SLC24A2: variants seen among roughly 807,000 people sequenced by gnomAD.
SLC24A2 encodes solute carrier family 24 member 2, also known as sodium/potassium/calcium exchanger 2.
SLC24A2 carries 36 observed loss-of-function variants against 62.0 expected under a neutral mutation model. That is an observed-to-expected ratio of 0.58 (90% CI 0.44 to 0.77). The LOEUF is 0.77. SLC24A2 is among the 30% of genes least tolerant of loss of function. SLC24A2 has a pLI of 0.00. For missense variants in SLC24A2, 846 were observed against 817.9 expected (o/e 1.03, Z -0.42); for synonymous variants, 358 against 294.0 (o/e 1.22, Z -2.23).
At chr9:20,215,256 C>T in the SLC24A2 span, among the ~76,000 whole-genome samples, 2 of 152,112 alleles carry the variant, frequency 1.3e-5, no homozygotes, top group African/African-American at 2.4e-5. Context: ...TCTGCCTCAC[C>T]GAATCACACG....
chr9:20,208,011 T>A, the SLC24A2 span, among the ~76,000 whole-genome samples: 1 of 152,182 alleles, frequency 6.6e-6, no homozygotes, highest in Admixed American at 6.5e-5. Context: ...CTGCCTTCAA[T>A]GGACTTAAAG....
chr9:20,038,687 G>A, the SLC24A2 span, among the ~76,000 whole-genome samples: 7 of 143,214 alleles, frequency 4.9e-5, no homozygotes, highest in East Asian at 1.1e-3. Context: ...TAAACTAAAA[G>A]TCACAGTCTC....
chr9:20,222,919 C>T, the SLC24A2 span, among the ~76,000 whole-genome samples: 1 of 151,664 alleles, frequency 6.6e-6, no homozygotes, highest in East Asian at 1.9e-4. Flanking sequence ...GAAGTCCTAA[C>T]TTATTAAATA....
intron 8 of SLC24A2, among the ~76,000 whole-genome samples, chr9:19,541,532 A>AGGGACCC (rs1834255812): frequency 7.0e-6 from 1 of 142,082 alleles, no homozygotes; most frequent in Non-Finnish European, 1.5e-5. Flanking sequence ...GTCAGGGGTC[A>AGGGACCC]GGGACCCAAT....
At chr9:20,019,282 AGAAAGAAAGAAAGAAAGAAAGAAAGAAAG>A in the SLC24A2 span, among the ~76,000 whole-genome samples, 5 of 149,878 alleles carry the variant, frequency 3.3e-5, no homozygotes, top group African/African-American at 1.3e-4. Context: ...AAAGAAAGAA[AGAAAGAAAGAAAGAAAGAAAGAAAGAAAG>A]AAAGTGAGTG....
chr9:19,891,998 A>C, the SLC24A2 span, among the ~76,000 whole-genome samples: 11 of 152,268 alleles, frequency 7.2e-5, no homozygotes, highest in Non-Finnish European at 1.3e-4. Flanking sequence ...ACTCATTTCT[A>C]CATCTTCAAC....
the SLC24A2 span, among the ~76,000 whole-genome samples, chr9:19,971,886 C>T: frequency 3.9e-5 from 6 of 152,290 alleles, no homozygotes; most frequent in East Asian, 1.2e-3. Flanking sequence ...CCCTATAAGG[C>T]AGGCATTTTC....
intron 2 of SLC24A2, among the ~76,000 whole-genome samples, chr9:19,752,724 G>C (rs909534570): frequency 6.6e-6 from 1 of 152,122 alleles, no homozygotes; most frequent in Non-Finnish European, 1.5e-5. Flanking sequence ...GAGGGAGAAT[G>C]AATCTATGTG....
chr9:19,570,511 C>A (rs7036524), intron 7 of SLC24A2, among the ~76,000 whole-genome samples: 5 of 152,168 alleles, frequency 3.3e-5, no homozygotes, highest in Admixed American at 3.3e-4. Context: ...AACGTTCACT[C>A]ATTATTTATA....
the SLC24A2 span, among the ~76,000 whole-genome samples, chr9:20,117,620 C>T: frequency 2.6e-5 from 4 of 152,206 alleles, no homozygotes; most frequent in Middle Eastern, 3.4e-3. Flanking sequence ...TTATGTTTGT[C>T]GCTTTAAAAG....
rs995254571 is a variant in SLC24A2 at position 19,520,877 on chromosome 9, G to C, written c.1736+17C>G. The C allele has an allele frequency of 3.7e-6, 6 of 1,612,748 alleles. No individual in the cohort carries two copies. The highest frequency in any genetic ancestry group is 2.7e-5 in the African/African-American group (2 of 74,850). Reference sequence around the variant, plus strand: ...GGTGGAGCTGGTGCACACCTTTGTAGAACTACCTCTACTCACCCTACAGTG... The same window carrying C: ...GGTGGAGCTGGTGCACACCTTTGTACAACTACCTCTACTCACCCTACAGTG... On this transcript the variant is annotated intron_variant, in intron 10 of 10. Coordinates refer to ENST00000341998, the MANE Select transcript of SLC24A2 (RefSeq NM_020344.4).
chr9:19,786,874 C>T lies in SLC24A2; in HGVS notation c.-8G>A, dbSNP rs1462720880. The T allele has an allele frequency of 1.1e-5, 18 of 1,606,634 alleles. No individual in the cohort carries two copies. The highest frequency in any genetic ancestry group is 1.4e-5 in the Non-Finnish European group (17 of 1,179,890). On this transcript the variant is annotated 5_prime_UTR_variant, in exon 2 of 11. Coordinates refer to ENST00000341998, the MANE Select transcript of SLC24A2 (RefSeq NM_020344.4). The surrounding 1 kb of genome is among the most constrained non-coding windows in gnomAD (Gnocchi z 5.0). ...GCTTTGTTGCAGATCCATCCTGGGT[C>T]TTCTGGTGGATATGGTGATCTTCCA...
chr9:19,850,967 G>A, the SLC24A2 span, among the ~76,000 whole-genome samples: 2,853 of 17,324 alleles, frequency 0.16, 193 homozygotes, highest in African/African-American at 0.31. Flanking sequence ...ATATATATAT[G>A]TATATATATA....
the SLC24A2 span, among the ~76,000 whole-genome samples, chr9:20,294,659 T>C: frequency 7.2e-3 from 1,099 of 152,278 alleles, 15 homozygotes; most frequent in African/African-American, 0.026. Context: ...GTGATTTCCT[T>C]AAAGAAGAAA....
At chr9:19,765,686 C>G (rs781344031) in intron 2 of SLC24A2, among the ~76,000 whole-genome samples, 3 of 152,212 alleles carry the variant, frequency 2.0e-5, no homozygotes, top group Non-Finnish European at 4.4e-5. Flanking sequence ...TGATGGCTTC[C>G]CTTTGTGGGG....
At chr9:19,793,598 T>A (rs1170099413), upstream of SLC24A2, among the ~76,000 whole-genome samples, 1 of 152,208 alleles carries the variant, frequency 6.6e-6, no homozygotes, top group South Asian at 2.1e-4. Context: ...TGTTTGCTAA[T>A]CTCTTTTCAA....
the SLC24A2 span, among the ~76,000 whole-genome samples, chr9:19,898,019 A>T: frequency 6.6e-6 from 1 of 152,136 alleles, no homozygotes; most frequent in African/African-American, 2.4e-5. Context: ...CAGCAGAGGA[A>T]TTGGATTTTA....
the SLC24A2 span, among the ~76,000 whole-genome samples, chr9:20,068,057 C>CTTTTTTTT: frequency 2.2e-5 from 2 of 89,742 alleles, no homozygotes; most frequent in Non-Finnish European, 4.2e-5. Context: ...TTTTTTGACT[C>CTTTTTTTT]TTTTTTTTTT....
At chr9:20,242,058 C>T in the SLC24A2 span, among the ~76,000 whole-genome samples, 1 of 152,184 alleles carries the variant, frequency 6.6e-6, no homozygotes, top group Non-Finnish European at 1.5e-5. Context: ...TCCACCATGC[C>T]CATCCTATGG....
Sources: gnomAD v4.1 joint callset for allele counts (sites outside exome capture counted in the v4.1 genomes callset) on GRCh38, gnomAD v4.1.1 for gene constraint, Gnocchi (gnomAD v3.1) non-coding constraint, MANE v1.5 for transcripts, NCBI Gene and HGNC (gene_info 2026-07-23, HGNC 2026-07-21) for gene names.